The following GRXCR1 variants were observed in gnomAD, a reference collection of about 807,000 sequenced individuals.
GRXCR1 encodes glutaredoxin and cysteine rich domain containing 1, also known as glutaredoxin domain-containing cysteine-rich protein 1.
A neutral mutation model predicts 27.3 loss-of-function variants in GRXCR1; 27 were observed. The observed-to-expected ratio is 0.99, with a 90% CI of 0.73 to 1.37. The LOEUF is 1.37. Ranked by LOEUF, GRXCR1 falls within the 40% of genes most tolerant of loss-of-function variation. The pLI is 0.00. For missense variants in GRXCR1, 379 were observed against 354.4 expected, an observed-to-expected ratio of 1.07 and a Z score of -0.56; for synonymous variants, 122 against 131.1, an observed-to-expected ratio of 0.93 and a Z score of 0.47.
chr4:42,923,746 T>A (rs1747076251), intron 1 of GRXCR1, among the ~76,000 whole-genome samples: 1 of 152,028 alleles, frequency 6.6e-6, no homozygotes, highest in South Asian at 2.1e-4. Flanking sequence ...TGCTTCAACA[T>A]GCCTCTTTTT....
At chr4:42,904,429 C>T (rs971897687) in intron 1 of GRXCR1, among the ~76,000 whole-genome samples, 3 of 152,142 alleles carry the variant, frequency 2.0e-5, no homozygotes, top group African/African-American at 7.2e-5. Flanking sequence ...TACCTTATTC[C>T]CCAGTAGTGT....
chr4:42,923,558 C>G (rs548362325), intron 1 of GRXCR1, among the ~76,000 whole-genome samples: 2 of 152,194 alleles, frequency 1.3e-5, no homozygotes, highest in East Asian at 3.9e-4. Context: ...CACAGTTACA[C>G]AAATAGCATG....
At chr4:42,942,055 C>G (rs1486449744) in intron 1 of GRXCR1, among the ~76,000 whole-genome samples, 1 of 151,842 alleles carries the variant, frequency 6.6e-6, no homozygotes, top group African/African-American at 2.4e-5. Flanking sequence ...TGTTCTTGTC[C>G]TGTCTTTAAA....
intron 2 of GRXCR1, among the ~76,000 whole-genome samples, chr4:42,997,211 A>G (rs1310033884): frequency 1.3e-5 from 2 of 152,178 alleles, no homozygotes; most frequent in Non-Finnish European, 1.5e-5. Flanking sequence ...TAGATTACTG[A>G]AAGTTGAAAT....
intron 2 of GRXCR1, among the ~76,000 whole-genome samples, chr4:42,972,857 T>C (rs1322444962): frequency 6.6e-6 from 1 of 152,112 alleles, no homozygotes; most frequent in Non-Finnish European, 1.5e-5. Context: ...TCAGTTCTAC[T>C]CTTTAGCAGC....
At chr4:42,964,033 G>A (rs984749478) in intron 2 of GRXCR1, among the ~76,000 whole-genome samples, 14 of 151,878 alleles carry the variant, frequency 9.2e-5, no homozygotes, top group African/African-American at 3.4e-4. Flanking sequence ...TTAATACCCT[G>A]TCATTTTATG....
chr4:42,976,399 C>T (rs1748521082), intron 2 of GRXCR1, among the ~76,000 whole-genome samples: 1 of 151,990 alleles, frequency 6.6e-6, no homozygotes, highest in Non-Finnish European at 1.5e-5. Flanking sequence ...AAAGATTTTT[C>T]TGTATGTTTT....
chr4:42,990,153 C>CTTGAA (rs1213691359), intron 2 of GRXCR1, among the ~76,000 whole-genome samples: 12 of 93,324 alleles, frequency 1.3e-4, no homozygotes, highest in African/African-American at 4.7e-4. Flanking sequence ...TGTGCAACTT[C>CTTGAA]TTGAATTGAA....
At chr4:42,931,327 T>A (rs1747300225) in intron 1 of GRXCR1, among the ~76,000 whole-genome samples, 1 of 152,030 alleles carries the variant, frequency 6.6e-6, no homozygotes, top group Non-Finnish European at 1.5e-5. Flanking sequence ...ATTGGAGTTG[T>A]CTACATTCTG....
At chr4:42,925,864 C>A (rs1376922319) in intron 1 of GRXCR1, among the ~76,000 whole-genome samples, 1 of 151,920 alleles carries the variant, frequency 6.6e-6, no homozygotes, top group Non-Finnish European at 1.5e-5. Flanking sequence ...AGACATAAGG[C>A]CGAGTTGGAC....
chr4:42,969,056 T>C (rs1384219992), intron 2 of GRXCR1, among the ~76,000 whole-genome samples: 3 of 152,136 alleles, frequency 2.0e-5, no homozygotes, highest in Non-Finnish European at 4.4e-5. Flanking sequence ...CCCTAGTATC[T>C]ACTCTGTTAA....
In GRXCR1 at chr4:42,922,391, C is replaced by T. The variant is rs117985597; in HGVS notation, c.384+28741C>T. On this transcript the variant is annotated intron_variant, in intron 1 of 3. Transcript: ENST00000399770. Reference sequence around the variant, plus strand: ...ACATTTTCAAGCTTCTTACCTCCTGCGATCAGCTGCAAATTGCCACCCCTT... The same window carrying T: ...ACATTTTCAAGCTTCTTACCTCCTGTGATCAGCTGCAAATTGCCACCCCTT... Among the ~76,000 whole-genome samples the T allele has an allele frequency of 2.3e-4, 35 of 152,188 alleles. No individual in the cohort carries two copies. In the East Asian group the frequency reaches 6.6e-3, roughly 29 times the overall value.
chr4:43,002,040 C>T (rs569047592), intron 2 of GRXCR1, among the ~76,000 whole-genome samples: 583 of 152,356 alleles, frequency 3.8e-3, no homozygotes, highest in African/African-American at 0.013. Flanking sequence ...AAACATGTCT[C>T]GCCTCCCACC....
At chr4:42,918,134 G>A (rs73811480) in intron 1 of GRXCR1, among the ~76,000 whole-genome samples, 12,652 of 152,168 alleles carry the variant, frequency 0.083, 767 homozygotes, top group African/African-American at 0.16. Context: ...CAATGTGCCA[G>A]CATGTTTGGT....
chr4:43,002,656 C>T (rs1225331944), intron 2 of GRXCR1, among the ~76,000 whole-genome samples: 1 of 152,154 alleles, frequency 6.6e-6, no homozygotes, highest in Non-Finnish European at 1.5e-5. Context: ...CTTTCTTTTC[C>T]CTACAATATT....
chr4:42,951,053 C>T (rs1443834600), intron 1 of GRXCR1, among the ~76,000 whole-genome samples: 1 of 152,050 alleles, frequency 6.6e-6, no homozygotes, highest in African/African-American at 2.4e-5. Flanking sequence ...TCAGGAAATC[C>T]AATGATGTAG....
chr4:42,933,428 C>T (rs1747377769), intron 1 of GRXCR1, among the ~76,000 whole-genome samples: 1 of 151,918 alleles, frequency 6.6e-6, no homozygotes, highest in African/African-American at 2.4e-5. Context: ...TCATAACTCT[C>T]ATGTAGCAGC....
chr4:43,029,085 C>G (rs1235513997), intron 3 of GRXCR1, among the ~76,000 whole-genome samples: 1 of 152,056 alleles, frequency 6.6e-6, no homozygotes, highest in Non-Finnish European at 1.5e-5. Context: ...TTGTAAGTAT[C>G]AATTAGATCC....
At chr4:42,960,173 A>G (rs1393724956) in intron 1 of GRXCR1, among the ~76,000 whole-genome samples, 1 of 152,014 alleles carries the variant, frequency 6.6e-6, no homozygotes, top group African/African-American at 2.4e-5. Flanking sequence ...GTCCAATCTT[A>G]AATTTTTCCA....
Sources: allele counts gnomAD v4.1 joint callset (sites outside exome capture counted in the v4.1 genomes callset), GRCh38; gene constraint gnomAD v4.1.1; transcripts MANE v1.5; gene names NCBI Gene and HGNC (gene_info 2026-07-23, HGNC 2026-07-21).